Variants in TULP4 observed in about 807,000 individuals in gnomAD.
The protein encoded by TULP4 is tubby-related protein 4.
Under a neutral mutation model 129.0 loss-of-function variants are expected in TULP4, and 16 were observed. The ratio of observed to expected loss-of-function variants is 0.12; its 90% CI spans 0.08 to 0.19. The LOEUF (loss-of-function observed/expected upper bound fraction) is 0.19, where lower values mean the gene tolerates loss of function less well. Among genes scored for constraint, TULP4 ranks in the 10% least tolerant of loss-of-function variants. TULP4 has a pLI of 1.00. For missense variants in TULP4, 1,842 were observed against 2,059.1 expected (o/e 0.89, Z 2.04); for synonymous variants, 998 against 854.0 (o/e 1.17, Z -2.94).
chr6:158,447,002 A>G (rs1318204093), intron 3 of TULP4, among the ~76,000 whole-genome samples: 1 of 152,216 alleles, frequency 6.6e-6, no homozygotes, highest in Non-Finnish European at 1.5e-5. Context: ...TTCAGTCCAT[A>G]ATAGTCCATC....
chr6:158,288,240 T>C (rs1282684888), intron 1 of TULP4, among the ~76,000 whole-genome samples: 2 of 152,208 alleles, frequency 1.3e-5, no homozygotes, highest in Non-Finnish European at 2.9e-5. Flanking sequence ...GATTTCAGCC[T>C]AGGTGGTTTG....
intron 12 of TULP4, among the ~76,000 whole-genome samples, chr6:158,500,693 TCTCA>T (rs1471821703): frequency 1.3e-5 from 2 of 152,196 alleles, no homozygotes; most frequent in African/African-American, 4.8e-5. Context: ...TCTGTTAAAC[TCTCA>T]CTGTGTACAA....
chr6:158,488,791 C>T (rs1429155291), intron 8 of TULP4, among the ~76,000 whole-genome samples: 2 of 126,768 alleles, frequency 1.6e-5, no homozygotes, highest in Non-Finnish European at 3.3e-5. Flanking sequence ...AGACCTGGGG[C>T]AGTGGAGGGG....
intron 1 of TULP4, among the ~76,000 whole-genome samples, chr6:158,406,653 T>A (rs1562553326): frequency 2.0e-5 from 3 of 152,226 alleles, no homozygotes; most frequent in Admixed American, 6.5e-5. Flanking sequence ...CTCTTCAGCA[T>A]TGTTTTATCT....
intron 5 of TULP4, among the ~76,000 whole-genome samples, chr6:158,459,015 C>T (rs926101185): frequency 6.6e-6 from 1 of 152,218 alleles, no homozygotes; most frequent in Non-Finnish European, 1.5e-5. Context: ...TCGCTTGATG[C>T]ATGTAGCTCC....
Position 158,508,516 on chromosome 6 carries a change from T to A in TULP4, c.*1822T>A, listed in dbSNP as rs1182648733. The A allele has an allele frequency of 6.6e-6, 1 of 152,608 alleles. No homozygotes were observed. Among genetic ancestry groups the A allele is most frequent in the Non-Finnish European group, 1.5e-5 (1 of 68,042 alleles). 9.5% of individuals were successfully genotyped at this position (152,608 alleles called of 1,614,324 possible). On this transcript the variant is annotated 3_prime_UTR_variant, in exon 14 of 14. Coordinates refer to ENST00000367097, the MANE Select transcript of TULP4 (RefSeq NM_020245.5). ...TTTCCCATCTAATACCAGTTTCTCA[T>A]TTATATTTAACGTATTGGACCTGAT...
intron 1 of TULP4, among the ~76,000 whole-genome samples, chr6:158,240,384 G>T (rs1175426890): frequency 1.4e-5 from 1 of 71,368 alleles, no homozygotes; most frequent in African/African-American, 4.8e-5. Flanking sequence ...GCGGCTGGCC[G>T]GGCAGAGGGG....
chr6:158,444,451 A>G (rs946579389), intron 3 of TULP4, among the ~76,000 whole-genome samples: 4 of 152,038 alleles, frequency 2.6e-5, no homozygotes, highest in Non-Finnish European at 5.9e-5. Flanking sequence ...AAAAGCAAAT[A>G]AGTGGGAAAA....
chr6:158,433,541 G>A lies in TULP4; in HGVS notation c.543+3644G>A, dbSNP rs142906106. The stretch of plus-strand genomic sequence containing the variant: ...CATCCTGGCTAACACGGTGAAACCC[G>A]TCTACTAAAAATACAAAAAATTAGC... On this transcript the variant is annotated intron_variant, in intron 3 of 13. Transcript: ENST00000367097. Among the ~76,000 whole-genome samples the A allele has an allele frequency of 4.5e-4, 68 of 152,124 alleles. 1 individual carries two copies. Among genetic ancestry groups the A allele is most frequent in the African/African-American group, 1.5e-3 (63 of 41,518 alleles).
intron 2 of TULP4, among the ~76,000 whole-genome samples, chr6:158,422,633 G>A (rs1478202577): frequency 6.6e-6 from 1 of 152,194 alleles, no homozygotes; most frequent in Non-Finnish European, 1.5e-5. Context: ...CCCATACAGA[G>A]ATAGAGGGAG....
intron 1 of TULP4, among the ~76,000 whole-genome samples, chr6:158,371,642 T>C (rs1303473828): frequency 6.6e-6 from 1 of 152,230 alleles, no homozygotes; most frequent in Non-Finnish European, 1.5e-5. Flanking sequence ...TAACAGCGTC[T>C]TTTGTTCCTT....
intron 1 of TULP4, among the ~76,000 whole-genome samples, chr6:158,351,832 C>T (rs1350114970): frequency 6.8e-6 from 1 of 146,464 alleles, no homozygotes; most frequent in African/African-American, 2.5e-5. Context: ...AGCGATTCTC[C>T]TGCCTCAGCC....
intron 1 of TULP4, chr6:158,237,895 T>C (rs1183864998): frequency 2.7e-6 from 2 of 739,770 alleles, no homozygotes; most frequent in African/African-American, 3.4e-5. Context: ...TGCCAGGGTA[T>C]GAATATCTTT....
chr6:158,479,934 C>G lies in TULP4; in HGVS notation c.1210C>G (p.Leu404Val). The change falls in exon 7 of 14, where the codon CTC (leucine) becomes GTC (valine). Residue 404 changes from leucine (L) to valine (V), a missense_variant. Coordinates refer to ENST00000367097, the MANE Select transcript of TULP4 (RefSeq NM_020245.5). Reference sequence around the variant, plus strand: ...CAGCAAGCTGACTCTGCCCCCCCGCCTCTGCTCCTACCTCTCCACTGCCTT... The same window carrying G: ...CAGCAAGCTGACTCTGCCCCCCCGCGTCTGCTCCTACCTCTCCACTGCCTT... Reference protein sequence around the residue: ...DVSKLTLPPRLCSYLSTAFIP... With the variant: ...DVSKLTLPPRVCSYLSTAFIP... 6.2e-7 allele frequency: 1 copy of G among 1,610,700 alleles called. No individual in the cohort carries two copies. The highest frequency in any genetic ancestry group is 8.5e-7 in the Non-Finnish European group (1 of 1,179,920).
At chr6:158,456,324 G>A (rs1465497686) in intron 5 of TULP4, among the ~76,000 whole-genome samples, 2 of 152,176 alleles carry the variant, frequency 1.3e-5, no homozygotes, top group Non-Finnish European at 2.9e-5. Flanking sequence ...GCAGCCTGTG[G>A]GCCACATGCA....
chr6:158,452,170 T>TCAAGCCTCTGCTCAC lies in TULP4; in HGVS notation c.763_777dup (p.Lys255_Thr259dup). On this transcript the variant is annotated inframe_insertion, in exon 5 of 14. Transcript: ENST00000367097. ...GCATATCCCATCCCAGTGCAGAACA[T>TCAAGCCTCTGCTCAC]CAAGCCTCTGCTCACCGTCAGCTTC... The TCAAGCCTCTGCTCAC allele has an allele frequency of 6.2e-7, 1 of 1,614,220 alleles. No individual in the cohort carries two copies. The highest frequency in any genetic ancestry group is 8.5e-7 in the Non-Finnish European group (1 of 1,180,030).
At chr6:158,307,741 A>G (rs769432428), upstream of TULP4, among the ~76,000 whole-genome samples, 8 of 152,110 alleles carry the variant, frequency 5.3e-5, no homozygotes, top group Non-Finnish European at 1.0e-4. Context: ...TTGGCCTCCC[A>G]AAGTCTTGTA....
intron 3 of TULP4, among the ~76,000 whole-genome samples, chr6:158,436,879 T>A (rs372755179): frequency 6.6e-6 from 1 of 152,346 alleles, no homozygotes; most frequent in African/African-American, 2.4e-5. Flanking sequence ...TTGTGTTTTT[T>A]AAACCTAGAA....
chr6:158,280,900 GATAA>G (rs1562504503), upstream of TULP4, among the ~76,000 whole-genome samples: 1 of 152,140 alleles, frequency 6.6e-6, no homozygotes. Context: ...CAGATGGATG[GATAA>G]ATAAATTTAG....
Sources: allele counts gnomAD v4.1 joint callset (sites outside exome capture counted in the v4.1 genomes callset), GRCh38; gene constraint gnomAD v4.1.1; transcripts MANE v1.5; gene names NCBI Gene and HGNC (gene_info 2026-07-23, HGNC 2026-07-21).